TEAD1: variants seen among roughly 807,000 people sequenced by gnomAD.
TEAD1 encodes transcriptional enhancer factor TEF-1.
A neutral mutation model predicts 54.9 loss-of-function variants in TEAD1; 9 were observed. The ratio of observed to expected loss-of-function variants is 0.16; its 90% confidence interval spans 0.10 to 0.29. The LOEUF is 0.29. Ranked by LOEUF, TEAD1 falls within the 10% of genes least tolerant of loss-of-function variation. The probability of loss-of-function intolerance (pLI) is 1.00; values close to 1 mark genes in which losing one functional copy is unlikely to be tolerated. For synonymous variants in TEAD1, 200 were observed against 187.8 expected, an observed-to-expected ratio of 1.07 and a Z score of -0.53; for missense variants, 387 against 535.9, an observed-to-expected ratio of 0.72 and a Z score of 2.74.
chr11:12,748,388 T>C (rs1399192791), intron 2 of TEAD1, among the ~76,000 whole-genome samples: 2 of 152,206 alleles, frequency 1.3e-5, no homozygotes, highest in African/African-American at 4.8e-5. Flanking sequence ...TGGCCGGCTG[T>C]GTCCAGGCAT....
At chr11:12,844,959 C>T (rs377200181) in intron 3 of TEAD1, among the ~76,000 whole-genome samples, 27 of 64,664 alleles carry the variant, frequency 4.2e-4, no homozygotes, top group South Asian at 8.4e-4. Flanking sequence ...TGTATGAAAT[C>T]TTTTTTTTTT....
intron 2 of TEAD1, among the ~76,000 whole-genome samples, chr11:12,705,227 G>A (rs928149395): frequency 1.3e-5 from 2 of 152,240 alleles, no homozygotes; most frequent in South Asian, 4.2e-4. Flanking sequence ...ACAGGTCTTT[G>A]GTACCATCTC....
intron 5 of TEAD1, among the ~76,000 whole-genome samples, chr11:12,870,219 C>A (rs190151240): frequency 2.2e-4 from 33 of 152,242 alleles, no homozygotes; most frequent in African/African-American, 7.7e-4. Flanking sequence ...TGTGCAATAG[C>A]CATTGGCACC....
chr11:12,797,288 CCTT>C (rs536613904), intron 3 of TEAD1, among the ~76,000 whole-genome samples: 460 of 152,316 alleles, frequency 3.0e-3, no homozygotes, highest in Non-Finnish European at 5.1e-3. Context: ...TCCCATCAGT[CCTT>C]CTCCTCTTAG....
chr11:12,807,293 C>A (rs760800576), intron 3 of TEAD1, among the ~76,000 whole-genome samples: 1 of 152,108 alleles, frequency 6.6e-6, no homozygotes, highest in South Asian at 2.1e-4. Flanking sequence ...TGTTTCTGTC[C>A]GCTCAAATAC....
intron 9 of TEAD1, among the ~76,000 whole-genome samples, chr11:12,885,520 A>T (rs1055331546): frequency 2.6e-5 from 4 of 152,070 alleles, no homozygotes; most frequent in Non-Finnish European, 5.9e-5. Flanking sequence ...TACAGGCGTG[A>T]GGCACCGCAC....
At chr11:12,690,792 G>A (rs142475780) in intron 2 of TEAD1, among the ~76,000 whole-genome samples, 1 of 152,172 alleles carries the variant, frequency 6.6e-6, no homozygotes, top group Non-Finnish European at 1.5e-5. Context: ...CTCACTCACT[G>A]TGTCACCCAA....
In TEAD1 at chr11:12,924,767, T is replaced by A; in HGVS notation, c.874-145T>A. 7 of 971,292 alleles carry A rather than the reference T, an allele frequency of 7.2e-6. No individual in the cohort carries two copies. The South Asian group carries it at 9.2e-5, about 13-fold the overall frequency. The allele number at this position is 971,292 out of a possible 1,614,324, so 60.2% of individuals were successfully genotyped here. A position where few individuals can be genotyped will look rare whatever the true frequency, so the allele number is the denominator to read the frequency against. On this transcript the variant is annotated intron_variant, in intron 10 of 12. Coordinates refer to ENST00000527636, the MANE Select transcript of TEAD1 (RefSeq NM_021961.6). ...CTCTTTAAAAAACGACAGATGGGTA[T>A]TGAACTTGTTTCTAGATGAGCATCA... is the stretch of plus-strand genomic sequence containing the variant.
At chr11:12,811,868 A>C (rs1946308374) in intron 3 of TEAD1, among the ~76,000 whole-genome samples, 1 of 126,332 alleles carries the variant, frequency 7.9e-6, no homozygotes, top group Non-Finnish European at 1.7e-5. Context: ...GGGTGGGGGT[A>C]GGGTGGTGTG....
At chr11:12,757,705 G>C (rs903600534) in intron 2 of TEAD1, among the ~76,000 whole-genome samples, 2 of 152,044 alleles carry the variant, frequency 1.3e-5, no homozygotes, top group Non-Finnish European at 2.9e-5. Flanking sequence ...GGAAACTTTG[G>C]GTGTTAATCT....
chr11:12,693,275 G>A (rs1329449118), intron 2 of TEAD1, among the ~76,000 whole-genome samples: 1 of 152,244 alleles, frequency 6.6e-6, no homozygotes, highest in African/African-American at 2.4e-5. Context: ...GTCAGCACAT[G>A]GGTGGAAATA....
intron 2 of TEAD1, among the ~76,000 whole-genome samples, chr11:12,740,652 A>G (rs1231488241): frequency 6.6e-6 from 1 of 152,190 alleles, no homozygotes; most frequent in African/African-American, 2.4e-5. Context: ...CAAAGGGGGA[A>G]GCCCCTTATA....
chr11:12,818,528 T>C (rs1430112757), intron 3 of TEAD1, among the ~76,000 whole-genome samples: 11 of 152,172 alleles, frequency 7.2e-5, no homozygotes, highest in African/African-American at 2.7e-4. Flanking sequence ...ATCCGGCTCC[T>C]TGGGAGAAGA....
chr11:12,894,179 A>T (rs1308140021), intron 9 of TEAD1, among the ~76,000 whole-genome samples: 1 of 152,198 alleles, frequency 6.6e-6, no homozygotes, highest in East Asian at 1.9e-4. Flanking sequence ...ATTATTTGAC[A>T]GCAGTCATTT....
intron 3 of TEAD1, among the ~76,000 whole-genome samples, chr11:12,774,591 G>A (rs562825662): frequency 1.2e-4 from 19 of 152,228 alleles, no homozygotes; most frequent in Admixed American, 4.6e-4. Flanking sequence ...TGTTTGTGAT[G>A]TATAGTTATA....
intron 3 of TEAD1, among the ~76,000 whole-genome samples, chr11:12,781,862 C>T (rs527810009): frequency 6.6e-6 from 1 of 150,424 alleles, no homozygotes; most frequent in Admixed American, 6.6e-5. Context: ...TGTGTTGGCT[C>T]CCAGCACTTT....
rs1161268721 is a variant in TEAD1 at position 12,935,867 on chromosome 11, G to GA, written c.1168-1234dup. 5.9e-5 allele frequency among the ~76,000 whole-genome samples: 9 copies of GA among 152,048 alleles called. No individual in the cohort carries two copies. The East Asian group carries it at 1.7e-3, about 29-fold the overall frequency. On this transcript the variant is annotated intron_variant, in intron 12 of 12. Transcript: ENST00000527636. ...ATTCCACTGGGTGAGATGGATATTA[G>GA]AAAAAAAATTGTACACGCCAGTATG...
chr11:12,904,287 C>T (rs564101455), intron 10 of TEAD1, among the ~76,000 whole-genome samples: 72 of 152,106 alleles, frequency 4.7e-4, no homozygotes, highest in African/African-American at 1.6e-3. Flanking sequence ...TCAAGGAAAA[C>T]AAATGACATT....
chr11:12,928,283 C>CTTTTTT (rs35934347), intron 11 of TEAD1, among the ~76,000 whole-genome samples: 1 of 135,504 alleles, frequency 7.4e-6, no homozygotes. Context: ...TTTTCTTTTC[C>CTTTTTT]TTTTTTTTTT....
Sources: allele counts gnomAD v4.1 joint callset (sites outside exome capture counted in the v4.1 genomes callset), GRCh38; gene constraint gnomAD v4.1.1; transcripts MANE v1.5; gene names NCBI Gene and HGNC (gene_info 2026-07-23, HGNC 2026-07-21).